GABBR2: variants seen among roughly 807,000 people sequenced by gnomAD.
The protein encoded by GABBR2 is G-protein coupled receptor 51.
Under a neutral mutation model 105.6 loss-of-function variants are expected in GABBR2, and 23 were observed. The ratio of observed to expected loss-of-function variants is 0.22; its 90% CI spans 0.16 to 0.31. GABBR2 has a LOEUF of 0.31. Ranked by LOEUF, GABBR2 falls within the 10% of genes least tolerant of loss-of-function variation. The pLI is 1.00. For missense variants in GABBR2, 734 were observed against 1,245.5 expected (o/e 0.59, Z 6.18); for synonymous variants, 478 against 499.7 (o/e 0.96, Z 0.58).
At chr9:98,596,908 C>T (rs527796519) in intron 1 of GABBR2, among the ~76,000 whole-genome samples, 1 of 152,264 alleles carries the variant, frequency 6.6e-6, no homozygotes, top group South Asian at 2.1e-4. Context: ...AGCTCCCCTC[C>T]CCAAAGCCTG....
At chr9:98,558,715 C>A (rs2131758088) in intron 2 of GABBR2, among the ~76,000 whole-genome samples, 1 of 152,310 alleles carries the variant, frequency 6.6e-6, no homozygotes, top group African/African-American at 2.4e-5. Context: ...TCCAGCTGAT[C>A]CAGTGTCTCA....
At chr9:98,303,587 C>T (rs1411864709) in intron 15 of GABBR2, among the ~76,000 whole-genome samples, 164 bp from the exon 16 acceptor site, 1 of 152,264 alleles carries the variant, frequency 6.6e-6, no homozygotes, top group Non-Finnish European at 1.5e-5. Flanking sequence ...CCAGACTCTG[C>T]TACTCGCTTG....
In GABBR2 at chr9:98,701,016, C is replaced by T. The variant is rs116310197; in HGVS notation, c.321+7401G>A. ...GGATTTGTTTGTTAGTGCAGCATAGCCTCACCCACCCTAACTAACAAAAGA... is the reference window on the plus strand; with the variant it reads ...GGATTTGTTTGTTAGTGCAGCATAGTCTCACCCACCCTAACTAACAAAAGA... On this transcript the variant is annotated intron_variant, in intron 1 of 18. Coordinates refer to ENST00000259455, the MANE Select transcript of GABBR2 (RefSeq NM_005458.8). Among the ~76,000 whole-genome samples, 1,127 of 152,254 alleles carry T rather than the reference C, an allele frequency of 7.4e-3. 17 individuals are homozygous for T. The highest frequency in any genetic ancestry group is 0.026 in the African/African-American group (1,072 of 41,528).
At chr9:98,335,849 C>T (rs1193526913) in intron 13 of GABBR2, among the ~76,000 whole-genome samples, 1 of 152,142 alleles carries the variant, frequency 6.6e-6, no homozygotes, top group East Asian at 1.9e-4. Flanking sequence ...ATCATCCATT[C>T]ATTCATGCAC....
intron 3 of GABBR2, among the ~76,000 whole-genome samples, chr9:98,521,458 A>G (rs1827864773): frequency 6.6e-6 from 1 of 152,216 alleles, no homozygotes; most frequent in South Asian, 2.1e-4. Flanking sequence ...GCAACCCAAC[A>G]GCCTTCAGGA....
rs560758313 is a variant in GABBR2, at chr9:98,321,028, G to T, written c.1894-9823C>A. ...AATAAAATTCAGGAACTGCTTGAGG[G>T]GTAAGGGGACCACTGGTGCATTTGT... On this transcript the variant is annotated intron_variant, in intron 13 of 18. Coordinates refer to ENST00000259455, the MANE Select transcript of GABBR2 (RefSeq NM_005458.8). Among the ~76,000 whole-genome samples the T allele has an allele frequency of 6.6e-5, 10 of 152,142 alleles. No homozygotes were observed. The South Asian group carries it at 2.1e-3, about 32-fold the overall frequency.
intron 4 of GABBR2, among the ~76,000 whole-genome samples, chr9:98,492,882 G>A (rs1202876023): frequency 2.0e-5 from 3 of 152,132 alleles, no homozygotes; most frequent in Admixed American, 1.3e-4. Flanking sequence ...CTAAGGGAAC[G>A]TTTGTCAGGT....
In GABBR2 at chr9:98,388,869, T is replaced by C. The variant is rs1277998541; in HGVS notation, c.1514A>G (p.Lys505Arg). ...MASAFLFFNI[K>R]NRNQKLIKMS... ...GGTGGCTTACTTCTGATTCCGGTTCTTGATGTTGAAGAAGAGAAAAGCACT... is the reference window on the plus strand; with the variant it reads ...GGTGGCTTACTTCTGATTCCGGTTCCTGATGTTGAAGAAGAGAAAAGCACT... The change falls in exon 10 of 19, where the codon AAG (lysine) becomes AGG (arginine). Residue 505 changes from lysine (K) to arginine (R), a missense_variant. Coordinates refer to ENST00000259455, the MANE Select transcript of GABBR2 (RefSeq NM_005458.8). The surrounding 1 kb of genome is among the most constrained non-coding windows in gnomAD (Gnocchi z 4.4). 6.2e-7 allele frequency: 1 copy of C among 1,613,294 alleles called. No homozygotes were observed.
intron 17 of GABBR2, among the ~76,000 whole-genome samples, chr9:98,296,947 A>G (rs1830391902): frequency 6.6e-6 from 1 of 152,118 alleles, no homozygotes; most frequent in African/African-American, 2.4e-5. Context: ...TCAAACTGAG[A>G]CAGGTCCTCC....
At chr9:98,703,382 C>A (rs900429775) in intron 1 of GABBR2, among the ~76,000 whole-genome samples, 5 of 152,212 alleles carry the variant, frequency 3.3e-5, no homozygotes, top group African/African-American at 1.2e-4. Context: ...GAGTACTAAA[C>A]AACACACTTA....
chr9:98,535,487 T>C (rs1323119716), intron 3 of GABBR2, among the ~76,000 whole-genome samples: 2 of 152,120 alleles, frequency 1.3e-5, no homozygotes, highest in East Asian at 3.9e-4. Flanking sequence ...CAATGCAGTA[T>C]AACAACTATT....
intron 11 of GABBR2, among the ~76,000 whole-genome samples, chr9:98,385,221 C>T (rs10986084): frequency 0.13 from 20,179 of 152,062 alleles, 1,695 homozygotes; most frequent in African/African-American, 0.23. Context: ...TCTTTATTTC[C>T]GAGACAGGGT....
At chr9:98,352,002 T>C (rs1831407335) in intron 13 of GABBR2, among the ~76,000 whole-genome samples, 1 of 152,250 alleles carries the variant, frequency 6.6e-6, no homozygotes, top group Admixed American at 6.5e-5. Context: ...TGTACATGTG[T>C]CTATAGTGTT....
intron 1 of GABBR2, among the ~76,000 whole-genome samples, chr9:98,591,677 G>T (rs1480051710): frequency 6.6e-6 from 1 of 152,192 alleles, no homozygotes; most frequent in African/African-American, 2.4e-5. Context: ...GCGTGGGTTT[G>T]ACCAATTCAT....
rs114422364 is a variant in GABBR2 at position 98,341,408 on chromosome 9, G to A, written c.1893+21307C>T. ...GTTCTTGTTTTAATAACTTAATCTAGAATTTACACCTTGCCTCCTCTCCCA... is the reference window on the plus strand; with the variant it reads ...GTTCTTGTTTTAATAACTTAATCTAAAATTTACACCTTGCCTCCTCTCCCA... On this transcript the variant is annotated intron_variant, in intron 13 of 18. Coordinates refer to ENST00000259455, the MANE Select transcript of GABBR2 (RefSeq NM_005458.8). 3.6e-3 allele frequency among the ~76,000 whole-genome samples: 555 copies of A among 152,272 alleles called. 2 individuals are homozygous for A. The highest frequency in any genetic ancestry group is 0.012 in the African/African-American group (512 of 41,552).
intron 13 of GABBR2, among the ~76,000 whole-genome samples, chr9:98,346,184 G>A (rs1206173450): frequency 3.9e-5 from 6 of 152,142 alleles, no homozygotes; most frequent in Non-Finnish European, 5.9e-5. Flanking sequence ...TCTGCTTTTC[G>A]TAAATGATTT....
chr9:98,515,877 C>T (rs1827748210), intron 3 of GABBR2: 1 of 152,212 alleles, frequency 6.6e-6, no homozygotes, highest in African/African-American at 2.4e-5. Flanking sequence ...CAAAGCCTTA[C>T]AAGTAGTAAG....
chr9:98,422,415 C>T (rs982439316), intron 7 of GABBR2, among the ~76,000 whole-genome samples: 8 of 152,014 alleles, frequency 5.3e-5, no homozygotes, highest in African/African-American at 1.7e-4. Context: ...TGTCCATATA[C>T]TCTTTGACCC....
intron 7 of GABBR2, among the ~76,000 whole-genome samples, chr9:98,436,374 T>TCC (rs1825920214): frequency 4.6e-5 from 2 of 43,148 alleles, no homozygotes; most frequent in Non-Finnish European, 7.7e-5. Flanking sequence ...TATATATATA[T>TCC]ATATATATAT....
Sources: gnomAD v4.1 joint callset for allele counts (sites outside exome capture counted in the v4.1 genomes callset) on GRCh38, gnomAD v4.1.1 for gene constraint, Gnocchi (gnomAD v3.1) non-coding constraint, MANE v1.5 for transcripts, NCBI Gene and HGNC (gene_info 2026-07-23, HGNC 2026-07-21) for gene names.